RBFOX3: variants seen among roughly 807,000 people sequenced by gnomAD.
RBFOX3 encodes the protein RNA binding protein fox-1 homolog 3.
Under a neutral mutation model 48.7 loss-of-function variants are expected in RBFOX3, and 17 were observed. That is an observed-to-expected ratio of 0.35 (90% CI 0.24 to 0.52). The LOEUF (loss-of-function observed/expected upper bound fraction) is 0.52. Ranked by LOEUF, RBFOX3 falls within the 20% of genes least tolerant of loss-of-function variation. The pLI, the probability that RBFOX3 is intolerant of heterozygous loss-of-function variation, is 0.94. For missense variants in RBFOX3, 382 were observed against 497.5 expected (o/e 0.77, Z 2.21); for synonymous variants, 212 against 209.5 (o/e 1.01, Z -0.10).
At chr17:79,370,633 AACAT>A (rs10535938) in intron 2 of RBFOX3, among the ~76,000 whole-genome samples, 101,112 of 150,044 alleles carry the variant, frequency 0.67, 34,884 homozygotes, top group Admixed American at 0.78. Flanking sequence ...CACATACACT[AACAT>A]ACATACATAT....
At chr17:79,247,315 T>A (rs895831209) in intron 3 of RBFOX3, among the ~76,000 whole-genome samples, 1 of 147,050 alleles carries the variant, frequency 6.8e-6, no homozygotes, top group African/African-American at 2.5e-5. Context: ...ATCGTATTTT[T>A]TTTTTTTTTT....
chr17:79,188,311 C>T (rs1278956513), intron 4 of RBFOX3, among the ~76,000 whole-genome samples: 1 of 152,260 alleles, frequency 6.6e-6, no homozygotes. Flanking sequence ...CACTCACCTT[C>T]CGGCTCAGCG....
intron 1 of RBFOX3, among the ~76,000 whole-genome samples, chr17:79,537,132 C>A (rs10048203): frequency 0.011 from 1,641 of 148,690 alleles, 33 homozygotes; most frequent in African/African-American, 0.036. Flanking sequence ...AAAAAAAAAA[C>A]CAAAAAAGCA....
At chr17:79,138,368 C>T (rs1027495482) in intron 4 of RBFOX3, among the ~76,000 whole-genome samples, 4 of 152,126 alleles carry the variant, frequency 2.6e-5, no homozygotes, top group South Asian at 2.1e-4. Context: ...AACACCCGCA[C>T]GCACACACTC....
intron 3 of RBFOX3, among the ~76,000 whole-genome samples, chr17:79,289,141 T>C (rs2072694139): frequency 6.6e-6 from 1 of 152,148 alleles, no homozygotes; most frequent in Non-Finnish European, 1.5e-5. Flanking sequence ...GACACGCCCC[T>C]ATGCAGAGCC....
At chr17:79,298,836 G>T (rs1367668087) in intron 3 of RBFOX3, among the ~76,000 whole-genome samples, 1 of 152,168 alleles carries the variant, frequency 6.6e-6, no homozygotes, top group African/African-American at 2.4e-5. Flanking sequence ...GAGGGTGGAG[G>T]GCTGTGGTGT....
chr17:79,229,946 G>C (rs1045860074), intron 4 of RBFOX3, among the ~76,000 whole-genome samples: 3 of 152,210 alleles, frequency 2.0e-5, no homozygotes, highest in Non-Finnish European at 4.4e-5. Flanking sequence ...GTGATGACCT[G>C]TGTCCAAGCT....
intron 1 of RBFOX3, among the ~76,000 whole-genome samples, chr17:79,503,878 G>A (rs2082702359): frequency 2.0e-5 from 3 of 152,316 alleles, no homozygotes; most frequent in East Asian, 1.9e-4. Flanking sequence ...GAGCTCACAG[G>A]GGCTCCTGGA....
the RBFOX3 span, among the ~76,000 whole-genome samples, chr17:79,629,370 G>A: frequency 6.6e-6 from 1 of 152,258 alleles, no homozygotes; most frequent in African/African-American, 2.4e-5. Context: ...AAAGAAGACT[G>A]AGAAATGACT....
At chr17:79,180,455 T>A (rs1482760037) in intron 4 of RBFOX3, among the ~76,000 whole-genome samples, 1 of 152,208 alleles carries the variant, frequency 6.6e-6, no homozygotes, top group African/African-American at 2.4e-5. Context: ...TGAGATTGAA[T>A]GTACAGCCTA....
At chr17:79,523,137 G>T (rs1036006238) in intron 1 of RBFOX3, among the ~76,000 whole-genome samples, 1 of 151,760 alleles carries the variant, frequency 6.6e-6, no homozygotes, top group Non-Finnish European at 1.5e-5. Flanking sequence ...GTGGTGGGGG[G>T]GCGGGTGGTT....
Position 79,301,376 on chromosome 17 carries a change from C to T in RBFOX3, c.-74+6348G>A, listed in dbSNP as rs574498056. Among the ~76,000 whole-genome samples, 195 of 152,316 alleles carry T rather than the reference C, an allele frequency of 1.3e-3. 1 individual carries two copies. Among genetic ancestry groups the T allele is most frequent in the African/African-American group, 4.7e-3 (194 of 41,558 alleles). The stretch of plus-strand genomic sequence containing the variant: ...CAAAGTCTCCCAGGGTGATGCAGCT[C>T]CCATAAGCCTTGTGCAGCACCAGCG... On this transcript the variant is annotated intron_variant, in intron 3 of 14. Coordinates refer to ENST00000693108, the MANE Select transcript of RBFOX3 (RefSeq NM_001350451.2).
chr17:79,652,871 G>A, the RBFOX3 span, among the ~76,000 whole-genome samples: 1 of 152,094 alleles, frequency 6.6e-6, no homozygotes, highest in East Asian at 1.9e-4. Context: ...ACCATTCCAA[G>A]TGTCCAAACA....
rs2077889961 is a variant in RBFOX3, at chr17:79,477,022, C to T, written c.-175+5432G>A. Reference sequence around the variant, plus strand: ...CCTAGGTGGGTGGATCACTTGAGGTCAGGAGTTCGAGACCAGCCTGGCCAA... The same window carrying T: ...CCTAGGTGGGTGGATCACTTGAGGTTAGGAGTTCGAGACCAGCCTGGCCAA... On this transcript the variant is annotated intron_variant, in intron 2 of 14. Transcript: ENST00000693108. This position sits in a 1 kb window ranked among gnomAD's most constrained non-coding sequence, Gnocchi z 4.8. 1.3e-5 allele frequency among the ~76,000 whole-genome samples: 2 copies of T among 151,696 alleles called. No individual in the cohort carries two copies. The highest frequency in any genetic ancestry group is 1.3e-4 in the Admixed American group (2 of 15,230).
upstream of RBFOX3, among the ~76,000 whole-genome samples, chr17:79,615,200 T>G (rs1211842239): frequency 6.6e-6 from 1 of 152,140 alleles, no homozygotes; most frequent in Admixed American, 6.5e-5. Flanking sequence ...GGCAAGTGAT[T>G]TCTGGCCTGG....
intron 2 of RBFOX3, among the ~76,000 whole-genome samples, chr17:79,403,440 A>G (rs1014193067): frequency 2.6e-5 from 4 of 152,184 alleles, no homozygotes; most frequent in Non-Finnish European, 4.4e-5. Flanking sequence ...TCTGTCACCT[A>G]CAGGTGGGCA....
chr17:79,258,436 T>C (rs2065224125), intron 3 of RBFOX3, among the ~76,000 whole-genome samples: 1 of 152,164 alleles, frequency 6.6e-6, no homozygotes, highest in Admixed American at 6.5e-5. Context: ...TGGACCACAG[T>C]CAAGGTTGCT....
intron 1 of RBFOX3, among the ~76,000 whole-genome samples, chr17:79,588,507 C>A (rs2093321558): frequency 6.6e-6 from 1 of 152,200 alleles, no homozygotes; most frequent in Non-Finnish European, 1.5e-5. Flanking sequence ...ACCCTCACCC[C>A]AGGTTAGGAA....
intron 1 of RBFOX3, among the ~76,000 whole-genome samples, chr17:79,536,050 G>A (rs563047111): frequency 6.6e-6 from 1 of 152,284 alleles, no homozygotes; most frequent in East Asian, 1.9e-4. Flanking sequence ...TCTCACAGGG[G>A]GCTGGGGAGG....
Sources: gnomAD v4.1 joint callset for allele counts (sites outside exome capture counted in the v4.1 genomes callset) on GRCh38, gnomAD v4.1.1 for gene constraint, Gnocchi (gnomAD v3.1) non-coding constraint, MANE v1.5 for transcripts, NCBI Gene and HGNC (gene_info 2026-07-23, HGNC 2026-07-21) for gene names.